SIRPB1: variants seen among roughly 807,000 people sequenced by gnomAD.
The protein encoded by SIRPB1 is signal regulatory protein beta 1, also known as signal-regulatory protein beta-1.
A neutral mutation model predicts 34.1 loss-of-function variants in SIRPB1; 28 were observed. The observed-to-expected ratio is 0.82, with a 90% confidence interval of 0.61 to 1.12. The LOEUF (loss-of-function observed/expected upper bound fraction) is 1.12. SIRPB1 is among the 50% of genes most tolerant of loss of function. SIRPB1 has a pLI of 0.00. For missense variants in SIRPB1, 499 were observed against 507.0 expected (o/e 0.98, Z 0.15); for synonymous variants, 211 against 203.8 (o/e 1.04, Z -0.30).
intron 4 of SIRPB1, among the ~76,000 whole-genome samples, chr20:1,569,243 C>G (rs755717585): frequency 3.9e-5 from 6 of 152,136 alleles, no homozygotes; most frequent in Non-Finnish European, 5.9e-5. Context: ...AAGGAAAACA[C>G]AAGCATTTAA....
intron 2 of SIRPB1, among the ~76,000 whole-genome samples, chr20:1,577,603 A>T (rs1249112718): frequency 2.7e-5 from 4 of 147,064 alleles, no homozygotes; most frequent in Non-Finnish European, 6.1e-5. Context: ...CTCTGCTCGG[A>T]GCCCATGGTA....
At chr20:1,616,367 A>C (rs890944115) in intron 1 of SIRPB1, among the ~76,000 whole-genome samples, 1 of 152,224 alleles carries the variant, frequency 6.6e-6, no homozygotes, top group Admixed American at 6.5e-5. Context: ...ATAGACACAT[A>C]GACAAATGGA....
chr20:1,566,122 C>T, intron 5 of SIRPB1, 31 bp downstream of exon 5: 1 of 1,436,902 alleles, frequency 7.0e-7, no homozygotes, highest in Non-Finnish European at 9.7e-7. Flanking sequence ...CTGGAGGAGC[C>T]CTTGGTCAGT....
intron 1 of SIRPB1, among the ~76,000 whole-genome samples, chr20:1,614,024 G>A (rs2091595006): frequency 6.6e-6 from 1 of 152,168 alleles, no homozygotes; most frequent in African/African-American, 2.4e-5. Flanking sequence ...ACATAAAAGA[G>A]ACCCTCAATA....
Position 1,571,904 on chromosome 20 carries a change from C to T in SIRPB1, c.567G>A (p.Glu189=). ...ITLKWFKNGN[E]LSDFQTNVDP... is the part of the protein sequence containing the mutation. The stretch of plus-strand genomic sequence containing the variant: ...CCACGTTGGTCTGGAAGTCTGAGAG[C>T]TCATTCCCATTTTTGAACCATTTCA... Residue 189 remains glutamate (E), a synonymous_variant, in exon 3 of 6, where the codon GAG becomes GAA. Coordinates refer to ENST00000381605, the MANE Select transcript of SIRPB1 (RefSeq NM_006065.5). 2 of 1,614,206 alleles carry T rather than the reference C, an allele frequency of 1.2e-6. No individual in the cohort carries two copies. Among genetic ancestry groups the T allele is most frequent in the Non-Finnish European group, 1.7e-6 (2 of 1,180,030 alleles).
chr20:1,614,969 T>C (rs2091609266), intron 1 of SIRPB1, among the ~76,000 whole-genome samples: 1 of 152,160 alleles, frequency 6.6e-6, no homozygotes, highest in African/African-American at 2.4e-5. Flanking sequence ...CCAATATCAA[T>C]AATGACATCT....
At chr20:1,579,093 A>G (rs2122229447) in intron 1 of SIRPB1, among the ~76,000 whole-genome samples, 1 of 148,070 alleles carries the variant, frequency 6.8e-6, no homozygotes, top group Middle Eastern at 3.5e-3. Flanking sequence ...CTGGGACCAC[A>G]GGTGCATTCC....
rs140437054 is a variant in SIRPB1 at position 1,576,906 on chromosome 20, C to T, written c.433+1432G>A. 1.1e-3 allele frequency among the ~76,000 whole-genome samples: 167 copies of T among 148,756 alleles called. 6 individuals are homozygous for T. In the East Asian group the frequency reaches 0.028, roughly 25 times the overall value. ...AATCTCCCACCTGAGTAGGGTGACA[C>T]ATGTACAAGGTCATCCACTGCATGA... is the stretch of plus-strand genomic sequence containing the variant. On this transcript the variant is annotated intron_variant, in intron 2 of 5. Transcript: ENST00000381605.
intron 1 of SIRPB1, 77 bp from the exon 2 acceptor site, chr20:1,578,771 T>C: frequency 8.1e-7 from 1 of 1,234,478 alleles, no homozygotes; most frequent in Non-Finnish European, 1.2e-6. Context: ...TATCAATGGC[T>C]TTCATTGACT....
chr20:1,614,552 C>T (rs2091602799), intron 1 of SIRPB1, among the ~76,000 whole-genome samples: 1 of 151,830 alleles, frequency 6.6e-6, no homozygotes, highest in African/African-American at 2.4e-5. Context: ...CCCAGGGATC[C>T]CATCTCTCTT....
chr20:1,599,036 G>A lies in SIRPB1; in HGVS notation c.77-20342C>T. The A allele has an allele frequency of 9.2e-6, 2 of 218,016 alleles. 1 individual carries two copies. 13.5% of individuals were successfully genotyped at this position (218,016 alleles called of 1,614,324 possible). On this transcript the variant is annotated intron_variant, in intron 1 of 5. Transcript: ENST00000381605. ...CCTGAGGCTACCTGGGACCATCAAT[G>A]CTCCAAAGCTTTTGAAACTGCATCT...
intron 4 of SIRPB1, among the ~76,000 whole-genome samples, chr20:1,568,138 G>T (rs2091168546): frequency 6.6e-6 from 1 of 152,194 alleles, no homozygotes; most frequent in Admixed American, 6.5e-5. Context: ...ATCGCTACTT[G>T]TCGCTATAAA....
intron 5 of SIRPB1, 23 bp downstream of exon 5, chr20:1,566,130 A>T (rs1413127487): frequency 4.0e-6 from 6 of 1,508,036 alleles, no homozygotes; most frequent in Non-Finnish European, 5.5e-6. Context: ...GCCCTTGGTC[A>T]GTCCTCCCTC....
chr20:1,611,377 C>A lies in SIRPB1; in HGVS notation c.76+8492G>T, dbSNP rs779628211. On this transcript the variant is annotated intron_variant, in intron 1 of 5. Coordinates refer to ENST00000381605, the MANE Select transcript of SIRPB1 (RefSeq NM_006065.5). ...CTCACCACGCACAGACAGCTCGGTG[C>A]CTGCTCCAGACTTAAACTCCACGTG... 14 of 921,618 alleles carry A rather than the reference C, an allele frequency of 1.5e-5. 4 individuals are homozygous for A. In the South Asian group the frequency reaches 3.1e-4, roughly 20 times the overall value. The allele number at this position is 921,618 out of a possible 1,614,324, so 57.1% of individuals were successfully genotyped here.
In SIRPB1 at chr20:1,602,048, C is replaced by A. The variant is rs1342023913; in HGVS notation, c.76+17821G>T. Among the ~76,000 whole-genome samples the A allele has an allele frequency of 4.1e-5, 2 of 48,414 alleles. 1 individual carries two copies. Among genetic ancestry groups the A allele is most frequent in the Non-Finnish European group, 7.9e-5 (2 of 25,358 alleles). The allele number at this position is 48,414 out of a possible 152,430, so 31.8% of individuals were successfully genotyped here. On this transcript the variant is annotated intron_variant, in intron 1 of 5. Coordinates refer to ENST00000381605, the MANE Select transcript of SIRPB1 (RefSeq NM_006065.5). The stretch of plus-strand genomic sequence containing the variant: ...TAGAGCAAAATAAACCCGAAGCAAG[C>A]TGCAGATAGGAATTAATAAAAAAGA...
intron 4 of SIRPB1, among the ~76,000 whole-genome samples, chr20:1,569,594 C>T (rs574287248): frequency 6.6e-5 from 10 of 152,316 alleles, no homozygotes; most frequent in Non-Finnish European, 1.0e-4. Context: ...TGAACAAATC[C>T]GTGACTCAGC....
chr20:1,594,539 G>T lies in SIRPB1; in HGVS notation c.77-15845C>A, dbSNP rs1353243145. On this transcript the variant is annotated intron_variant, in intron 1 of 5. Coordinates refer to ENST00000381605, the MANE Select transcript of SIRPB1 (RefSeq NM_006065.5). ...TCTACCATATTTCGCCCCCACTCAC[G>T]ACATTAGATGCAGATGACGAGGGAA... is the stretch of plus-strand genomic sequence containing the variant. Among the ~76,000 whole-genome samples the T allele has an allele frequency of 2.3e-4, 11 of 48,348 alleles. 5 individuals carry two copies. Among genetic ancestry groups the T allele is most frequent in the African/African-American group, 1.5e-3 (11 of 7,274 alleles). 31.7% of individuals were successfully genotyped at this position (48,348 alleles called of 152,430 possible). A position where few individuals can be genotyped will look rare whatever the true frequency, so the allele number is the denominator to read the frequency against.
chr20:1,609,398 T>A lies in SIRPB1; in HGVS notation c.76+10471A>T, dbSNP rs188140990. 1.2e-4 allele frequency among the ~76,000 whole-genome samples: 9 copies of A among 72,428 alleles called. 3 individuals carry two copies. The East Asian group carries it at 1.7e-3, about 14-fold the overall frequency. 47.5% of individuals were successfully genotyped at this position (72,428 alleles called of 152,430 possible). On this transcript the variant is annotated intron_variant, in intron 1 of 5. Transcript: ENST00000381605. ...TACGCTTTACATATACACATTTTTT[T>A]AAAAAGCTGTTAGTAAAGCTATGTG...
intron 1 of SIRPB1, among the ~76,000 whole-genome samples, chr20:1,584,791 A>C (rs2091416101): frequency 2.0e-5 from 1 of 49,256 alleles, no homozygotes; most frequent in African/African-American, 1.3e-4. Context: ...AACCATGAAT[A>C]GCTAAGGCAA....
Sources: allele counts gnomAD v4.1 joint callset (sites outside exome capture counted in the v4.1 genomes callset), GRCh38; gene constraint gnomAD v4.1.1; transcripts MANE v1.5; gene names NCBI Gene and HGNC (gene_info 2026-07-23, HGNC 2026-07-21).